MTPN: variants seen among roughly 807,000 people sequenced by gnomAD.
MTPN encodes the protein myotrophin.
Under a neutral mutation model 13.5 loss-of-function variants are expected in MTPN, and 2 were observed. That is an observed-to-expected ratio of 0.15 (90% CI 0.06 to 0.47). The LOEUF is 0.47. MTPN is among the 20% of genes least tolerant of loss of function. The probability of loss-of-function intolerance (pLI) is 0.97; values close to 1 mark genes in which losing one functional copy is unlikely to be tolerated. For missense variants in MTPN, 79 were observed against 137.9 expected, an observed-to-expected ratio of 0.57 and a Z score of 2.14; for synonymous variants, 46 against 51.7, an observed-to-expected ratio of 0.89 and a Z score of 0.48.
chr7:135,941,882 T>C (rs982834121), intron 3 of MTPN, among the ~76,000 whole-genome samples: 33 of 116,620 alleles, frequency 2.8e-4, no homozygotes, highest in Non-Finnish European at 5.8e-4. Flanking sequence ...GTTATATTAC[T>C]TTTTTTTTTT....
chr7:135,948,680 G>T (rs535637044), intron 3 of MTPN, among the ~76,000 whole-genome samples: 4 of 152,260 alleles, frequency 2.6e-5, no homozygotes, highest in Admixed American at 1.3e-4. Flanking sequence ...TGGGAATAAG[G>T]AGTACAGAAC....
chr7:135,961,294 T>C (rs956773423), intron 1 of MTPN, among the ~76,000 whole-genome samples: 1 of 147,528 alleles, frequency 6.8e-6, no homozygotes, highest in Non-Finnish European at 1.5e-5. Context: ...ACTCACTGTA[T>C]TGTAGGCAAA....
chr7:135,952,472 CAAG>C (rs1265859369), intron 1 of MTPN, among the ~76,000 whole-genome samples: 3 of 152,138 alleles, frequency 2.0e-5, no homozygotes, highest in Admixed American at 6.5e-5. Context: ...CAAACTACCC[CAAG>C]AAGAGAATAA....
At chr7:135,951,025 CAG>C (rs1397375569) in intron 2 of MTPN, among the ~76,000 whole-genome samples, 3 of 152,134 alleles carry the variant, frequency 2.0e-5, no homozygotes, top group Non-Finnish European at 2.9e-5. Context: ...TAAGGGAAAA[CAG>C]GGGTAAAACA....
At chr7:135,945,083 A>G (rs1307878748) in intron 3 of MTPN, among the ~76,000 whole-genome samples, 1 of 152,240 alleles carries the variant, frequency 6.6e-6, no homozygotes, top group Non-Finnish European at 1.5e-5. Context: ...TTGTGTATCT[A>G]AACATAGAAA....
chr7:135,927,064 C>T lies in MTPN; in HGVS notation c.*2862G>A, dbSNP rs1278708394. ...GCTTATTTATGTAGGAGGGCACTCT[C>T]ACCAGCTTCTTCTATACACAATTGA... On this transcript the variant is annotated 3_prime_UTR_variant, in exon 4 of 4. Coordinates refer to ENST00000393085, the MANE Select transcript of MTPN (RefSeq NM_145808.4). The T allele has an allele frequency of 2.8e-6, 1 of 354,214 alleles. No homozygotes were observed. The highest frequency in any genetic ancestry group is 2.1e-5 in the African/African-American group (1 of 47,530). 21.9% of individuals were successfully genotyped at this position (354,214 alleles called of 1,614,324 possible). A position where few individuals can be genotyped will look rare whatever the true frequency, so the allele number is the denominator to read the frequency against.
At position 135,949,948 on chromosome 7, in the gene MTPN, G is replaced by GTTT. The variant is rs571749527; in HGVS notation, c.270+650_270+651insAAA. On this transcript the variant is annotated intron_variant, in intron 3 of 3. Coordinates refer to ENST00000393085, the MANE Select transcript of MTPN (RefSeq NM_145808.4). ...GGGATTAAATACTAGTGATAATACT[G>GTTT]TAACTGGTAATATTTTCTGAAGATT... 8.5e-5 allele frequency among the ~76,000 whole-genome samples: 13 copies of GTTT among 152,274 alleles called. No individual in the cohort carries two copies. The South Asian group carries it at 2.3e-3, about 27-fold the overall frequency.
intron 1 of MTPN, among the ~76,000 whole-genome samples, chr7:135,955,364 C>A (rs181674904): frequency 3.6e-4 from 55 of 152,208 alleles, no homozygotes; most frequent in Middle Eastern, 3.4e-3. Flanking sequence ...AAGATCAATA[C>A]AACTGATAAG....
intron 1 of MTPN, among the ~76,000 whole-genome samples, chr7:135,955,059 ATT>A (rs1414523299): frequency 1.3e-5 from 2 of 152,206 alleles, no homozygotes; most frequent in Non-Finnish European, 2.9e-5. Context: ...TTACATTACA[ATT>A]CTTATTTTAG....
chr7:135,930,026 G>C lies in MTPN; in HGVS notation c.271-14C>G. On this transcript the variant is annotated splice_polypyrimidine_tract_variant and intron_variant, in intron 3 of 3. Transcript: ENST00000393085. ...CTTATCAGCACCCTGGAAAAGAGAG[G>C]AAAGGGCTCATTAAATGAGCCCACA... 6.7e-7 allele frequency: 1 copy of C among 1,501,652 alleles called. No homozygotes were observed. 93.0% of individuals were successfully genotyped at this position (1,501,652 alleles called of 1,614,324 possible).
At chr7:135,933,327 C>T (rs1434524853) in intron 3 of MTPN, among the ~76,000 whole-genome samples, 3 of 152,108 alleles carry the variant, frequency 2.0e-5, no homozygotes, top group African/African-American at 7.2e-5. Flanking sequence ...CCACCCTTCC[C>T]CAGACCTTCT....
chr7:135,969,162 G>A (rs1179142088), intron 1 of MTPN, among the ~76,000 whole-genome samples: 4 of 140,854 alleles, frequency 2.8e-5, no homozygotes, highest in Admixed American at 1.5e-4. Context: ...TGGGTGCAGC[G>A]CACCAGCATG....
At chr7:135,975,224 A>T (rs1562938797) in intron 1 of MTPN, among the ~76,000 whole-genome samples, 1 of 152,248 alleles carries the variant, frequency 6.6e-6, no homozygotes, top group South Asian at 2.1e-4. Flanking sequence ...ATTTTCATAT[A>T]AATATTTTTG....
chr7:135,937,517 A>C (rs1373703854), intron 3 of MTPN, among the ~76,000 whole-genome samples: 1 of 152,168 alleles, frequency 6.6e-6, no homozygotes, highest in Non-Finnish European at 1.5e-5. Flanking sequence ...CAAATCCCTT[A>C]TATAAAATGG....
At position 135,958,199 on chromosome 7, in the gene MTPN, AG is replaced by A. The variant is rs373979870; in HGVS notation, c.73-6570del. On this transcript the variant is annotated intron_variant, in intron 1 of 3. Coordinates refer to ENST00000393085, the MANE Select transcript of MTPN (RefSeq NM_145808.4). ...TCATTACATTTACCTCTATTCGATCAGGTATGTTATTTATATACTTTAATAA... is the reference window on the plus strand; with the variant it reads ...TCATTACATTTACCTCTATTCGATCAGTATGTTATTTATATACTTTAATAA... Among the ~76,000 whole-genome samples, 573 of 152,266 alleles carry A rather than the reference AG, an allele frequency of 3.8e-3. 5 individuals are homozygous for A. The highest frequency in any genetic ancestry group is 0.013 in the African/African-American group (542 of 41,546).
chr7:135,974,900 C>T lies in MTPN; in HGVS notation c.72+2129G>A, dbSNP rs184649740. 3.4e-3 allele frequency among the ~76,000 whole-genome samples: 522 copies of T among 152,310 alleles called. 5 individuals carry two copies. The highest frequency in any genetic ancestry group is 0.022 in the South Asian group (104 of 4,830). ...AAGGGAGCTGAGTCAGTATAAACTT[C>T]AGTTCTTGTTATTATTTCTCATTAA... On this transcript the variant is annotated intron_variant, in intron 1 of 3. Transcript: ENST00000393085.
chr7:135,959,892 A>G (rs189841894), intron 1 of MTPN, among the ~76,000 whole-genome samples: 4 of 152,152 alleles, frequency 2.6e-5, no homozygotes, highest in African/African-American at 7.2e-5. Context: ...CTTTACTGCA[A>G]CAACAGAATG....
At chr7:135,939,576 C>CGGGGGGGGGG (rs71174561) in intron 3 of MTPN, among the ~76,000 whole-genome samples, 1 of 4,740 alleles carries the variant, frequency 2.1e-4, no homozygotes, top group Non-Finnish European at 5.8e-4. Context: ...AAAATGGGGG[C>CGGGGGGGGGG]GGGGGGGGGG....
chr7:135,956,638 T>A (rs1218043879), intron 1 of MTPN, among the ~76,000 whole-genome samples: 1 of 152,186 alleles, frequency 6.6e-6, no homozygotes, highest in African/African-American at 2.4e-5. Context: ...AACTGACTCA[T>A]CCTCTCATCC....
Sources: gnomAD v4.1 joint callset for allele counts (sites outside exome capture counted in the v4.1 genomes callset) on GRCh38, gnomAD v4.1.1 for gene constraint, MANE v1.5 for transcripts, NCBI Gene and HGNC (gene_info 2026-07-23, HGNC 2026-07-21) for gene names.